Variants in CACNA1A observed in about 807,000 individuals in gnomAD.
The protein encoded by CACNA1A is voltage-dependent P/Q-type calcium channel subunit alpha-1A.
Under a neutral mutation model 262.4 loss-of-function variants are expected in CACNA1A, and 57 were observed. The observed-to-expected ratio is 0.22, with a 90% CI of 0.18 to 0.27. CACNA1A has a LOEUF of 0.27. Ranked by LOEUF, CACNA1A falls within the 10% of genes least tolerant of loss-of-function variation. The pLI is 1.00. For missense variants in CACNA1A, 2,526 were observed against 3,562.8 expected (o/e 0.71, Z 7.41); for synonymous variants, 1,431 against 1,419.3 (o/e 1.01, Z -0.18).
At chr19:13,377,872 A>C (rs1057250860) in intron 3 of CACNA1A, among the ~76,000 whole-genome samples, 1 of 152,048 alleles carries the variant, frequency 6.6e-6, no homozygotes, top group Non-Finnish European at 1.5e-5. Context: ...TCATGCCTGT[A>C]ATCCCAGCAC....
intron 1 of CACNA1A, among the ~76,000 whole-genome samples, chr19:13,503,695 C>G (rs1288371647): frequency 6.8e-6 from 1 of 146,978 alleles, no homozygotes; most frequent in Non-Finnish European, 1.5e-5. Context: ...CCTGGATGAC[C>G]CAGCTCGATG....
At chr19:13,300,690 A>T (rs1337125697) in intron 17 of CACNA1A, 34 bp from the exon 18 acceptor site, 1 of 1,548,114 alleles carries the variant, frequency 6.5e-7, no homozygotes, top group Non-Finnish European at 8.9e-7. Context: ...TTCACAAAAC[A>T]TGAACTAGGC....
intron 6 of CACNA1A, among the ~76,000 whole-genome samples, chr19:13,350,171 G>A (rs2058880876): frequency 1.3e-5 from 2 of 152,196 alleles, no homozygotes; most frequent in South Asian, 4.1e-4. Context: ...GGCCCAGCCA[G>A]TACCCCAATC....
chr19:13,208,866 C>CG lies in CACNA1A; in HGVS notation c.6669dup (p.Asp2224ArgfsTer40). ...CGTTCCTGGGCATAGCGGTCCTTGT[C>CG]GGGGGGCGGGGGATGGTGGTGGTGG... On this transcript the variant is annotated frameshift_variant, in exon 46 of 47. Transcript: ENST00000360228. LOFTEE classifies it high-confidence loss of function. The CG allele has an allele frequency of 1.0e-6, 1 of 998,194 alleles. No individual in the cohort carries two copies. The highest frequency in any genetic ancestry group is 1.5e-6 in the Non-Finnish European group (1 of 674,226). 61.8% of individuals were successfully genotyped at this position (998,194 alleles called of 1,614,324 possible).
intron 3 of CACNA1A, among the ~76,000 whole-genome samples, chr19:13,372,279 C>A (rs771263384): frequency 5.9e-5 from 9 of 152,114 alleles, no homozygotes; most frequent in Non-Finnish European, 1.3e-4. Context: ...AGGGATTCTC[C>A]TGCCTCAGCC....
chr19:13,487,767 C>T (rs1467842991), intron 1 of CACNA1A, among the ~76,000 whole-genome samples: 1 of 151,980 alleles, frequency 6.6e-6, no homozygotes, highest in Non-Finnish European at 1.5e-5. Context: ...TACACAGGCA[C>T]TGCTTACTAT....
intron 3 of CACNA1A, among the ~76,000 whole-genome samples, chr19:13,438,800 C>T (rs2060658820): frequency 6.6e-6 from 1 of 152,158 alleles, no homozygotes; most frequent in African/African-American, 2.4e-5. Flanking sequence ...TGCAAAGGAG[C>T]ATACAGAAGA....
chr19:13,219,112 G>A (rs902068508), intron 38 of CACNA1A, among the ~76,000 whole-genome samples: 1 of 146,338 alleles, frequency 6.8e-6, no homozygotes, highest in African/African-American at 2.6e-5. Context: ...CGGGATCTCG[G>A]CTCACTGCAA....
At chr19:13,439,298 C>T (rs1334623662) in intron 3 of CACNA1A, among the ~76,000 whole-genome samples, 6 of 150,766 alleles carry the variant, frequency 4.0e-5, no homozygotes, top group African/African-American at 9.8e-5. Context: ...TTAATAAAGA[C>T]GGGGTTTCAC....
In CACNA1A at chr19:13,308,603, C is replaced by A. The variant is rs2145006228; in HGVS notation, c.1669-75G>T. On this transcript the variant is annotated intron_variant, in intron 12 of 46. Coordinates refer to ENST00000360228, the MANE Select transcript of CACNA1A (RefSeq NM_001127222.2). The surrounding 1 kb of genome is among the most constrained non-coding windows in gnomAD (Gnocchi z 4.2). ...GAACTGGCAAGCATTTCCTAGGTAC[C>A]AACCTTGCAAGAACTCAACCAAACT... 3 of 901,174 alleles carry A rather than the reference C, an allele frequency of 3.3e-6. No homozygotes were observed. The highest frequency in any genetic ancestry group is 1.8e-5 in the South Asian group (1 of 56,894). The allele number at this position is 901,174 out of a possible 1,614,324, so 55.8% of individuals were successfully genotyped here.
intron 17 of CACNA1A, 149 bp from the exon 18 acceptor site, chr19:13,300,805 G>C (rs1049284925): frequency 1.5e-6 from 1 of 688,708 alleles, no homozygotes. Flanking sequence ...CCTGCTATTG[G>C]TTAAGTGTAT....
At chr19:13,464,385 C>G (rs1284331850) in intron 1 of CACNA1A, among the ~76,000 whole-genome samples, 1 of 151,960 alleles carries the variant, frequency 6.6e-6, no homozygotes, top group Non-Finnish European at 1.5e-5. Context: ...GGCAACAGAG[C>G]AAGACCCTAT....
At chr19:13,434,655 T>C (rs899268038) in intron 3 of CACNA1A, among the ~76,000 whole-genome samples, 1 of 152,152 alleles carries the variant, frequency 6.6e-6, no homozygotes, top group South Asian at 2.1e-4. Flanking sequence ...CCTTCTGCCA[T>C]GATTGTAAGT....
At chr19:13,239,702 G>A (rs1300660600) in intron 31 of CACNA1A, among the ~76,000 whole-genome samples, 2 of 152,162 alleles carry the variant, frequency 1.3e-5, no homozygotes, top group Admixed American at 6.5e-5. Context: ...TGTGCAAGGG[G>A]CTGAGAAGTG....
At chr19:13,374,759 A>G (rs1215110440) in intron 3 of CACNA1A, among the ~76,000 whole-genome samples, 3 of 152,170 alleles carry the variant, frequency 2.0e-5, no homozygotes, top group African/African-American at 4.8e-5. Flanking sequence ...ACAAACATCA[A>G]CTGAGCACTA....
intron 38 of CACNA1A, among the ~76,000 whole-genome samples, chr19:13,218,155 A>T (rs568090504): frequency 6.6e-6 from 1 of 151,800 alleles, no homozygotes; most frequent in South Asian, 2.1e-4. Context: ...CAATGGTGCG[A>T]TCTTGGCTCA....
chr19:13,428,896 C>A (rs2060450802), intron 3 of CACNA1A, among the ~76,000 whole-genome samples: 1 of 152,198 alleles, frequency 6.6e-6, no homozygotes, highest in Admixed American at 6.5e-5. Flanking sequence ...AGTTTCCCTA[C>A]TCATAAAAGG....
chr19:13,477,302 T>C (rs377685516), intron 1 of CACNA1A, among the ~76,000 whole-genome samples: 1 of 152,226 alleles, frequency 6.6e-6, no homozygotes, highest in Non-Finnish European at 1.5e-5. Context: ...ATTACCCTTA[T>C]AATCTTCTAA....
chr19:13,223,027 TTC>T (rs1286779973), intron 38 of CACNA1A, among the ~76,000 whole-genome samples: 1 of 151,950 alleles, frequency 6.6e-6, no homozygotes, highest in Non-Finnish European at 1.5e-5. Flanking sequence ...TTTTTTCTTT[TTC>T]TTTCTGTTGT....
Sources: gnomAD v4.1 joint callset for allele counts (sites outside exome capture counted in the v4.1 genomes callset) on GRCh38, gnomAD v4.1.1 for gene constraint, Gnocchi (gnomAD v3.1) non-coding constraint, MANE v1.5 for transcripts, NCBI Gene and HGNC (gene_info 2026-07-23, HGNC 2026-07-21) for gene names.